Variants in CSMD1 observed in about 807,000 individuals in gnomAD.
CSMD1 encodes CUB and Sushi multiple domains 1.
A neutral mutation model predicts 417.5 loss-of-function variants in CSMD1; 213 were observed. The ratio of observed to expected loss-of-function variants is 0.51; its 90% CI spans 0.46 to 0.57. The LOEUF (loss-of-function observed/expected upper bound fraction) is 0.57. Among genes scored for constraint, CSMD1 ranks in the 20% least tolerant of loss-of-function variants. The pLI, the probability that CSMD1 is intolerant of heterozygous loss-of-function variation, is 0.00. For synonymous variants in CSMD1, 2,862 were observed against 1,736.8 expected, an observed-to-expected ratio of 1.65 and a Z score of -16.11; for missense variants, 6,923 against 4,529.7, an observed-to-expected ratio of 1.53 and a Z score of -15.17.
chr8:4,489,432 T>G (rs1801585407), intron 2 of CSMD1, among the ~76,000 whole-genome samples: 1 of 152,214 alleles, frequency 6.6e-6, no homozygotes, highest in African/African-American at 2.4e-5. Context: ...GCTCAAAGTC[T>G]TTTTATATGT....
intron 3 of CSMD1, among the ~76,000 whole-genome samples, chr8:4,098,457 T>A (rs1159494841): frequency 1.3e-5 from 2 of 152,144 alleles, no homozygotes; most frequent in Non-Finnish European, 2.9e-5. Context: ...CAGACACATA[T>A]TGTTCCATGT....
At chr8:3,827,932 G>A (rs529028635) in intron 5 of CSMD1, among the ~76,000 whole-genome samples, 1 of 152,180 alleles carries the variant, frequency 6.6e-6, no homozygotes, top group Non-Finnish European at 1.5e-5. Flanking sequence ...ATTTAAAAGA[G>A]AAAATAAAGT....
Position 3,510,103 on chromosome 8 carries a change from C to T in CSMD1, c.1345-16377G>A, listed in dbSNP as rs534876552. Among the ~76,000 whole-genome samples, 3 of 152,114 alleles carry T rather than the reference C, an allele frequency of 2.0e-5. No homozygotes were observed. In the South Asian group the frequency reaches 6.2e-4, roughly 32 times the overall value. The stretch of plus-strand genomic sequence containing the variant: ...TTCATTAGGAGAAAGTAAATGATTC[C>T]AGCCTGAACATAAGGACATGAATTG... On this transcript the variant is annotated intron_variant, in intron 10 of 69. Transcript: ENST00000635120.
intron 5 of CSMD1, among the ~76,000 whole-genome samples, chr8:3,903,168 G>T (rs375708012): frequency 2.6e-5 from 4 of 152,062 alleles, no homozygotes; most frequent in African/African-American, 9.7e-5. Flanking sequence ...TCCATTTAGC[G>T]ATTGAGTATT....
chr8:4,706,436 C>T (rs1201104545), intron 1 of CSMD1, among the ~76,000 whole-genome samples: 1 of 152,076 alleles, frequency 6.6e-6, no homozygotes, highest in Non-Finnish European at 1.5e-5. Context: ...GATGATATGA[C>T]CAATGAGCTC....
At chr8:3,029,194 T>C in intron 51 of CSMD1, 125 bp downstream of exon 51, 1 of 644,758 alleles carries the variant, frequency 1.6e-6, no homozygotes. Flanking sequence ...GACAGGCCAT[T>C]TGTTCTTTTG....
chr8:4,601,246 G>C (rs549832859), intron 2 of CSMD1, among the ~76,000 whole-genome samples: 2 of 152,140 alleles, frequency 1.3e-5, no homozygotes, highest in African/African-American at 2.4e-5. Flanking sequence ...GTGAGCCACC[G>C]CACCTGGCCA....
At chr8:4,886,348 G>T (rs1001484228) in intron 1 of CSMD1, among the ~76,000 whole-genome samples, 1 of 151,684 alleles carries the variant, frequency 6.6e-6, no homozygotes, top group Non-Finnish European at 1.5e-5. Flanking sequence ...TTTATTTTAT[G>T]TATATTATAA....
At chr8:3,513,138 T>A (rs1166884656) in intron 10 of CSMD1, among the ~76,000 whole-genome samples, 3 of 151,138 alleles carry the variant, frequency 2.0e-5, no homozygotes, top group Non-Finnish European at 4.4e-5. Flanking sequence ...TTTTTTTTTA[T>A]ATGCCTTTAT....
chr8:4,549,814 T>C (rs1240163914), intron 2 of CSMD1, among the ~76,000 whole-genome samples: 1 of 147,596 alleles, frequency 6.8e-6, no homozygotes, highest in African/African-American at 2.5e-5. Context: ...GGAGAATCGC[T>C]TCAGCCCAGG....
intron 1 of CSMD1, among the ~76,000 whole-genome samples, chr8:4,708,532 G>A (rs1324700284): frequency 6.6e-6 from 1 of 152,102 alleles, no homozygotes; most frequent in African/African-American, 2.4e-5. Flanking sequence ...TAAAAATGAA[G>A]GTAAATTAAA....
chr8:4,624,768 G>A (rs1802000050), intron 2 of CSMD1, among the ~76,000 whole-genome samples: 1 of 152,058 alleles, frequency 6.6e-6, no homozygotes, highest in African/African-American at 2.4e-5. Flanking sequence ...GACTCCTGAG[G>A]GTATTCAAGT....
At chr8:3,490,535 G>A (rs1479578807) in intron 11 of CSMD1, among the ~76,000 whole-genome samples, 1 of 152,046 alleles carries the variant, frequency 6.6e-6, no homozygotes, top group Non-Finnish European at 1.5e-5. Flanking sequence ...ATACGTGTGG[G>A]TTACATTTTT....
chr8:4,142,618 C>T (rs1803858345), intron 3 of CSMD1, among the ~76,000 whole-genome samples: 1 of 150,994 alleles, frequency 6.6e-6, no homozygotes, highest in South Asian at 2.1e-4. Flanking sequence ...GCAGCACTGG[C>T]TCTGTATTTA....
intron 64 of CSMD1, among the ~76,000 whole-genome samples, chr8:2,955,103 T>G (rs1240095628): frequency 6.6e-6 from 1 of 152,200 alleles, no homozygotes; most frequent in East Asian, 1.9e-4. Context: ...TTTGTAATTT[T>G]AAAAAGCAGA....
chr8:4,075,062 A>G (rs370722100), intron 3 of CSMD1, among the ~76,000 whole-genome samples: 5 of 152,192 alleles, frequency 3.3e-5, no homozygotes, highest in African/African-American at 9.7e-5. Flanking sequence ...AATAATGCTC[A>G]TACAGTGAAT....
At chr8:4,534,183 G>A (rs1796979159) in intron 2 of CSMD1, among the ~76,000 whole-genome samples, 1 of 152,132 alleles carries the variant, frequency 6.6e-6, no homozygotes, top group African/African-American at 2.4e-5. Context: ...CATTCGCTAG[G>A]GAGCACAATT....
chr8:4,230,817 A>T (rs1801676506), intron 3 of CSMD1, among the ~76,000 whole-genome samples: 1 of 152,116 alleles, frequency 6.6e-6, no homozygotes, highest in African/African-American at 2.4e-5. Context: ...CAGCTTTTGC[A>T]GTGTCACAAT....
At chr8:4,089,753 A>T (rs1056439964) in intron 3 of CSMD1, among the ~76,000 whole-genome samples, 1 of 152,096 alleles carries the variant, frequency 6.6e-6, no homozygotes, top group African/African-American at 2.4e-5. Context: ...ATCATTCATT[A>T]GTTTGGGGGT....
Sources: allele counts gnomAD v4.1 joint callset (sites outside exome capture counted in the v4.1 genomes callset), GRCh38; gene constraint gnomAD v4.1.1; transcripts MANE v1.5; gene names NCBI Gene and HGNC (gene_info 2026-07-23, HGNC 2026-07-21).